Variants in DOCK2 observed in about 807,000 individuals in gnomAD.
DOCK2 encodes dedicator of cytokinesis protein 2.
A neutral mutation model predicts 248.9 loss-of-function variants in DOCK2; 87 were observed. That is an observed-to-expected ratio of 0.35 (90% CI 0.29 to 0.42). DOCK2 has a LOEUF of 0.42. DOCK2 is among the 10% of genes least tolerant of loss of function. DOCK2 has a pLI of 1.00. For missense variants in DOCK2, 1,747 were observed against 2,300.2 expected, an observed-to-expected ratio of 0.76 and a Z score of 4.92; for synonymous variants, 805 against 821.6, an observed-to-expected ratio of 0.98 and a Z score of 0.35.
At chr5:170,004,756 T>C (rs1458259205) in intron 30 of DOCK2, among the ~76,000 whole-genome samples, 2 of 148,032 alleles carry the variant, frequency 1.4e-5, no homozygotes, top group Non-Finnish European at 3.0e-5. Context: ...GATGAGTTCA[T>C]GTCCTTTGTA....
At chr5:170,049,328 T>C (rs555733658) in intron 40 of DOCK2, among the ~76,000 whole-genome samples, 25 of 152,342 alleles carry the variant, frequency 1.6e-4, no homozygotes, top group African/African-American at 6.0e-4. Context: ...TTGGCCAGGA[T>C]GGTCTCCATC....
At chr5:169,995,291 AGT>A (rs1754576819) in intron 29 of DOCK2, among the ~76,000 whole-genome samples, 1 of 152,178 alleles carries the variant, frequency 6.6e-6, no homozygotes, top group African/African-American at 2.4e-5. Context: ...AGCCTCCCAA[AGT>A]GCTGAGATTA....
At chr5:170,017,821 A>C (rs1561882809) in intron 32 of DOCK2, among the ~76,000 whole-genome samples, 1 of 152,220 alleles carries the variant, frequency 6.6e-6, no homozygotes, top group Non-Finnish European at 1.5e-5. Flanking sequence ...ACTGGGCAAC[A>C]CTGCCCTTGG....
intron 1 of DOCK2, among the ~76,000 whole-genome samples, chr5:169,637,699 T>C (rs1379058658): frequency 2.0e-5 from 3 of 152,196 alleles, no homozygotes; most frequent in Non-Finnish European, 4.4e-5. Context: ...GCTCGCCGCG[T>C]GGGAGACTTG....
intron 27 of DOCK2, among the ~76,000 whole-genome samples, chr5:169,919,193 T>C (rs532853944): frequency 2.0e-5 from 3 of 152,338 alleles, no homozygotes; most frequent in African/African-American, 7.2e-5. Context: ...GTTCATTGTT[T>C]TGAATTGAAG....
At chr5:169,974,543 C>T (rs963307033) in intron 27 of DOCK2, among the ~76,000 whole-genome samples, 1 of 152,192 alleles carries the variant, frequency 6.6e-6, no homozygotes, top group Non-Finnish European at 1.5e-5. Flanking sequence ...TGTTGGGACA[C>T]CTTTACCCAC....
intron 27 of DOCK2, among the ~76,000 whole-genome samples, chr5:169,974,164 C>T (rs557963821): frequency 1.4e-4 from 22 of 152,278 alleles, no homozygotes; most frequent in African/African-American, 5.3e-4. Context: ...CAACCTATAT[C>T]CCCTCTCTGT....
At chr5:169,874,522 C>T (rs1350641318) in intron 27 of DOCK2, among the ~76,000 whole-genome samples, 1 of 151,720 alleles carries the variant, frequency 6.6e-6, no homozygotes, top group Non-Finnish European at 1.5e-5. Flanking sequence ...ATGCATGGTC[C>T]TTGGTTCCCA....
chr5:169,890,695 G>A (rs1056867628), intron 27 of DOCK2, among the ~76,000 whole-genome samples: 6 of 152,126 alleles, frequency 3.9e-5, no homozygotes, highest in Non-Finnish European at 8.8e-5. Flanking sequence ...CAAAAGGTGA[G>A]GTTAAGATCC....
chr5:169,783,012 G>A (rs1378635018), intron 25 of DOCK2, among the ~76,000 whole-genome samples: 1 of 152,192 alleles, frequency 6.6e-6, no homozygotes, highest in Non-Finnish European at 1.5e-5. Flanking sequence ...ATATGGTGAT[G>A]TCCTCAAGGA....
At chr5:170,029,061 G>C (rs1488343209) in intron 34 of DOCK2, among the ~76,000 whole-genome samples, 1 of 152,036 alleles carries the variant, frequency 6.6e-6, no homozygotes, top group Non-Finnish European at 1.5e-5. Context: ...TTTTTGTGTG[G>C]ACATAACGTT....
chr5:169,902,418 G>C (rs1773978792), intron 27 of DOCK2, among the ~76,000 whole-genome samples: 1 of 152,222 alleles, frequency 6.6e-6, no homozygotes, highest in South Asian at 2.1e-4. Context: ...CACCACAGTA[G>C]TGAATAGTCC....
At chr5:169,654,262 C>G in intron 1 of DOCK2, 141 bp from the exon 2 acceptor site, 1 of 819,796 alleles carries the variant, frequency 1.2e-6, no homozygotes, top group South Asian at 1.7e-5. Context: ...TTGTGGCAGG[C>G]AATAGGTTTC....
At chr5:169,972,579 A>AGAT (rs762236382) in intron 27 of DOCK2, among the ~76,000 whole-genome samples, 3,428 of 52,570 alleles carry the variant, frequency 0.065, 49 homozygotes, top group Non-Finnish European at 0.077. Flanking sequence ...ATAGATAGAT[A>AGAT]GATAGATGAT....
chr5:169,739,998 A>G (rs1306109421), intron 22 of DOCK2, among the ~76,000 whole-genome samples: 1 of 152,240 alleles, frequency 6.6e-6, no homozygotes, highest in East Asian at 1.9e-4. Flanking sequence ...ATTGGGGGGA[A>G]AAACCCTAAA....
chr5:170,022,148 C>G (rs749370528), intron 33 of DOCK2, among the ~76,000 whole-genome samples: 1 of 152,130 alleles, frequency 6.6e-6, no homozygotes, highest in Non-Finnish European at 1.5e-5. Context: ...TGGGCTCTTC[C>G]TTTTATATCT....
chr5:169,831,124 A>G (rs923426732), intron 26 of DOCK2, among the ~76,000 whole-genome samples: 2 of 151,866 alleles, frequency 1.3e-5, no homozygotes, highest in Non-Finnish European at 2.9e-5. Context: ...TTAACCTCAC[A>G]TCTGTCCCTC....
At chr5:169,772,470 C>A (rs1581167557) in intron 25 of DOCK2, among the ~76,000 whole-genome samples, 1 of 152,174 alleles carries the variant, frequency 6.6e-6, no homozygotes, top group Admixed American at 6.5e-5. Flanking sequence ...GCAGTTGCAA[C>A]AGCAACTGAC....
rs114667796 is a variant in DOCK2, at chr5:169,877,033, G to C, written c.2799+36181G>C. Reference sequence around the variant, plus strand: ...CTAGCAGATGAGGGCTCATGGCATGGGGGTCCTTCTGGGGAAGGATTGGAT... The same window carrying C: ...CTAGCAGATGAGGGCTCATGGCATGCGGGTCCTTCTGGGGAAGGATTGGAT... On this transcript the variant is annotated intron_variant, in intron 27 of 51. Coordinates refer to ENST00000520908, the MANE Select transcript of DOCK2 (RefSeq NM_004946.3). Among the ~76,000 whole-genome samples the C allele has an allele frequency of 8.7e-3, 1,328 of 152,282 alleles. 11 individuals are homozygous for C. The highest frequency in any genetic ancestry group is 0.017 in the Middle Eastern group (5 of 294).
Sources: allele counts gnomAD v4.1 joint callset (sites outside exome capture counted in the v4.1 genomes callset), GRCh38; gene constraint gnomAD v4.1.1; transcripts MANE v1.5; gene names NCBI Gene and HGNC (gene_info 2026-07-23, HGNC 2026-07-21).